The following AK5 variants were observed in gnomAD, a reference collection of about 807,000 sequenced individuals.
AK5 encodes the protein adenylate kinase isoenzyme 5.
In AK5, 27 loss-of-function variants were observed where a neutral mutation model predicts 69.5. That is an observed-to-expected ratio of 0.39 (90% CI 0.29 to 0.54). The LOEUF is 0.54. Ranked by LOEUF, AK5 falls within the 20% of genes least tolerant of loss-of-function variation. The pLI is 0.71. For synonymous variants in AK5, 260 were observed against 244.4 expected (o/e 1.06, Z -0.60); for missense variants, 531 against 700.4 (o/e 0.76, Z 2.73).
intron 10 of AK5, among the ~76,000 whole-genome samples, chr1:77,502,906 G>A (rs1277925149): frequency 6.6e-6 from 1 of 152,216 alleles, no homozygotes; most frequent in Non-Finnish European, 1.5e-5. Flanking sequence ...ACACCCTGCT[G>A]TGGTATAGGT....
intron 9 of AK5, among the ~76,000 whole-genome samples, chr1:77,486,056 A>G (rs1655565871): frequency 6.6e-6 from 1 of 152,172 alleles, no homozygotes; most frequent in Non-Finnish European, 1.5e-5. Context: ...TGGAGGTTGC[A>G]GTGAGACAAG....
chr1:77,367,615 A>ATATGT lies in AK5; in HGVS notation c.891+27051_891+27055dup, dbSNP rs1553139808. On this transcript the variant is annotated intron_variant, in intron 6 of 13. Coordinates refer to ENST00000354567, the MANE Select transcript of AK5 (RefSeq NM_174858.3). ...TATATATGTAATATATATGTAATAT[A>ATATGT]TATGTTATATATGTAATATATATGT... is the stretch of plus-strand genomic sequence containing the variant. Among the ~76,000 whole-genome samples the ATATGT allele has an allele frequency of 5.2e-4, 47 of 91,240 alleles. 1 individual carries two copies. Among genetic ancestry groups the ATATGT allele is most frequent in the Non-Finnish European group, 7.0e-4 (35 of 50,032 alleles). 59.9% of individuals were successfully genotyped at this position (91,240 alleles called of 152,430 possible).
intron 12 of AK5, chr1:77,532,003 C>A (rs555690626): frequency 6.6e-6 from 1 of 150,678 alleles, no homozygotes; most frequent in Non-Finnish European, 1.5e-5. Flanking sequence ...GCCGGCCGGC[C>A]GGCCGCTCCG....
At chr1:77,544,701 C>T (rs1347182479) in intron 13 of AK5, among the ~76,000 whole-genome samples, 3 of 152,170 alleles carry the variant, frequency 2.0e-5, no homozygotes, top group South Asian at 2.1e-4. Flanking sequence ...ATGGAGCTGT[C>T]GTCTGCTTTG....
At chr1:77,311,352 C>G (rs947734911) in intron 5 of AK5, among the ~76,000 whole-genome samples, 1 of 152,154 alleles carries the variant, frequency 6.6e-6, no homozygotes, top group Non-Finnish European at 1.5e-5. Flanking sequence ...TATTTCTCAG[C>G]TCCTCATATA....
rs561695735 is a variant in AK5, at chr1:77,538,053, C to T, written c.1620+2015C>T. On this transcript the variant is annotated intron_variant, in intron 13 of 13. Transcript: ENST00000354567. Reference sequence around the variant, plus strand: ...AAATAAAGACTTCGATCTTTAATAACAGGGCCAAGTGCAATGGCTCACACC... The same window carrying T: ...AAATAAAGACTTCGATCTTTAATAATAGGGCCAAGTGCAATGGCTCACACC... Among the ~76,000 whole-genome samples the T allele has an allele frequency of 2.0e-5, 3 of 152,290 alleles. No individual in the cohort carries two copies. The South Asian group carries it at 6.2e-4, about 32-fold the overall frequency.
chr1:77,298,975 T>C (rs558960936), intron 5 of AK5, among the ~76,000 whole-genome samples: 9 of 152,334 alleles, frequency 5.9e-5, no homozygotes, highest in Admixed American at 2.6e-4. Context: ...GTTAGGTTTG[T>C]TATATATTCT....
intron 5 of AK5, among the ~76,000 whole-genome samples, chr1:77,306,494 GTT>G (rs869202567): frequency 0.029 from 3,460 of 120,316 alleles, 102 homozygotes; most frequent in African/African-American, 0.099. Flanking sequence ...GTTTTTTTTT[GTT>G]TTTTTTTTTT....
intron 10 of AK5, among the ~76,000 whole-genome samples, chr1:77,491,057 T>C (rs1327635595): frequency 1.3e-5 from 2 of 152,086 alleles, no homozygotes; most frequent in African/African-American, 4.8e-5. Context: ...CGTGGCCTGG[T>C]GTACATTGGC....
At chr1:77,541,602 C>T (rs1447692347) in intron 13 of AK5, among the ~76,000 whole-genome samples, 1 of 152,156 alleles carries the variant, frequency 6.6e-6, no homozygotes, top group Non-Finnish European at 1.5e-5. Flanking sequence ...CTGGCCTAAC[C>T]TGAAACACAG....
At chr1:77,443,008 T>C (rs1214056326) in intron 8 of AK5, among the ~76,000 whole-genome samples, 1 of 152,182 alleles carries the variant, frequency 6.6e-6, no homozygotes, top group Admixed American at 6.5e-5. Context: ...AGGTTGTTTT[T>C]AACACAACTG....
chr1:77,310,804 ATTAATT>A (rs1254342103), intron 5 of AK5, among the ~76,000 whole-genome samples: 1 of 152,178 alleles, frequency 6.6e-6, no homozygotes, highest in Non-Finnish European at 1.5e-5. Context: ...ATGTATATAG[ATTAATT>A]TTAAGAGAAC....
chr1:77,517,640 T>A (rs965687447), intron 10 of AK5, among the ~76,000 whole-genome samples: 1 of 152,200 alleles, frequency 6.6e-6, no homozygotes, highest in African/African-American at 2.4e-5. Flanking sequence ...CATAAAATCC[T>A]ATGACATACT....
In AK5 at chr1:77,297,874, T is replaced by A; in HGVS notation, c.626T>A (p.Ile209Lys). 1 of 1,613,342 alleles carries A rather than the reference T, an allele frequency of 6.2e-7. No homozygotes were observed. The highest frequency in any genetic ancestry group is 8.5e-7 in the Non-Finnish European group (1 of 1,179,790). The part of the protein sequence containing the change: ...ITEIKQKLMQ[I>K]PDEEGIVIDG... ...GAGATAAAACAAAAATTGATGCAAA[T>A]ACCTGATGAAGAGGGCATTGTTATT... Residue 209 changes from isoleucine to lysine, a missense_variant, in exon 5 of 14, where the codon ATA becomes AAA. Ile to Lys is a moderately radical substitution (Grantham distance 102). Transcript: ENST00000354567.
intron 7 of AK5, among the ~76,000 whole-genome samples, chr1:77,413,449 AG>A (rs1403089412): frequency 1.3e-5 from 2 of 152,086 alleles, no homozygotes; most frequent in African/African-American, 4.8e-5. Context: ...CAGGTGTACC[AG>A]GACTTTTCTT....
At chr1:77,457,305 G>A (rs1315574572) in intron 8 of AK5, among the ~76,000 whole-genome samples, 3 of 152,086 alleles carry the variant, frequency 2.0e-5, no homozygotes, top group Admixed American at 6.5e-5. Context: ...CTCGGGCTTG[G>A]GACATTTTAC....
chr1:77,483,075 T>G (rs924631483), intron 8 of AK5, among the ~76,000 whole-genome samples: 5 of 137,002 alleles, frequency 3.6e-5, no homozygotes, highest in Non-Finnish European at 7.7e-5. Flanking sequence ...GAAGAGAGCA[T>G]GTACTTGGGA....
At chr1:77,442,255 T>G (rs1276562600) in intron 8 of AK5, among the ~76,000 whole-genome samples, 1 of 152,168 alleles carries the variant, frequency 6.6e-6, no homozygotes, top group Non-Finnish European at 1.5e-5. Flanking sequence ...CCATGGCTAC[T>G]CGCACCCAGA....
At chr1:77,373,106 A>G (rs575423623) in intron 6 of AK5, among the ~76,000 whole-genome samples, 1 of 152,308 alleles carries the variant, frequency 6.6e-6, no homozygotes, top group East Asian at 1.9e-4. Context: ...CTTGATACAT[A>G]TTGCAAAATT....
Sources: allele counts gnomAD v4.1 joint callset (sites outside exome capture counted in the v4.1 genomes callset), GRCh38; gene constraint gnomAD v4.1.1; transcripts MANE v1.5; gene names NCBI Gene and HGNC (gene_info 2026-07-23, HGNC 2026-07-21).